Variants in RPH3A observed in about 807,000 individuals in gnomAD.
RPH3A encodes rabphilin 3A.
Under a neutral mutation model 102.2 loss-of-function variants are expected in RPH3A, and 48 were observed. The observed-to-expected ratio is 0.47, with a 90% CI of 0.37 to 0.60. The LOEUF (loss-of-function observed/expected upper bound fraction) is 0.60. RPH3A is among the 20% of genes least tolerant of loss of function. The probability of loss-of-function intolerance (pLI) is 0.00; values close to 1 mark genes in which losing one functional copy is unlikely to be tolerated. For synonymous variants in RPH3A, 310 were observed against 324.3 expected (o/e 0.96, Z 0.47); for missense variants, 781 against 910.1 (o/e 0.86, Z 1.83).
chr12:112,643,608 AG>A (rs1312331753), intron 1 of RPH3A, among the ~76,000 whole-genome samples: 1 of 152,234 alleles, frequency 6.6e-6, no homozygotes, highest in African/African-American at 2.4e-5. Flanking sequence ...CTATGATTCT[AG>A]GCTGTTTGCC....
intron 1 of RPH3A, among the ~76,000 whole-genome samples, chr12:112,756,606 CA>C (rs1267465522): frequency 6.6e-6 from 1 of 152,046 alleles, no homozygotes; most frequent in Non-Finnish European, 1.5e-5. Flanking sequence ...ATAATAAAAG[CA>C]AAAAACTCTA....
At chr12:112,606,686 G>T (rs1366818836) in intron 1 of RPH3A, among the ~76,000 whole-genome samples, 1 of 152,168 alleles carries the variant, frequency 6.6e-6, no homozygotes, top group Non-Finnish European at 1.5e-5. Context: ...GGAGGGCTCA[G>T]GAAACTTACA....
intron 1 of RPH3A, among the ~76,000 whole-genome samples, chr12:112,768,290 C>G (rs919256743): frequency 6.6e-6 from 1 of 152,190 alleles, no homozygotes; most frequent in African/African-American, 2.4e-5. Flanking sequence ...GTTCATGTCA[C>G]TCCTGCTCTC....
At chr12:112,612,382 G>C (rs1254299594) in intron 1 of RPH3A, among the ~76,000 whole-genome samples, 3 of 151,988 alleles carry the variant, frequency 2.0e-5, no homozygotes, top group African/African-American at 7.3e-5. Flanking sequence ...CGAGAAACAG[G>C]GTAGAAAACT....
chr12:112,829,563 C>T (rs1447274974), intron 3 of RPH3A, among the ~76,000 whole-genome samples: 1 of 152,174 alleles, frequency 6.6e-6, no homozygotes, highest in Admixed American at 6.5e-5. Context: ...TAAGCCACCA[C>T]CCCCAGCCTA....
At chr12:112,766,915 C>T (rs1479644845) in intron 1 of RPH3A, among the ~76,000 whole-genome samples, 1 of 152,146 alleles carries the variant, frequency 6.6e-6, no homozygotes, top group Non-Finnish European at 1.5e-5. Context: ...ACCTCTTTCC[C>T]AAACATGTGT....
intron 1 of RPH3A, among the ~76,000 whole-genome samples, chr12:112,779,444 A>G (rs2040991393): frequency 6.6e-6 from 1 of 152,198 alleles, no homozygotes; most frequent in Non-Finnish European, 1.5e-5. Context: ...CCTTCAGTCA[A>G]TTAAGCTTCC....
chr12:112,862,141 G>A (rs1287983920), intron 5 of RPH3A, among the ~76,000 whole-genome samples: 1 of 152,014 alleles, frequency 6.6e-6, no homozygotes, highest in African/African-American at 2.4e-5. Flanking sequence ...GCAACATAGT[G>A]AGACCCCATC....
At chr12:112,690,567 G>T (rs187048098) in intron 1 of RPH3A, among the ~76,000 whole-genome samples, 61 of 152,314 alleles carry the variant, frequency 4.0e-4, no homozygotes, top group African/African-American at 1.4e-3. Flanking sequence ...TGGGACAGGT[G>T]ACTGAAGAGA....
intron 10 of RPH3A, chr12:112,873,820 G>C (rs1463131347): frequency 6.6e-6 from 1 of 152,256 alleles, no homozygotes. Flanking sequence ...GGGTATTGTT[G>C]CATCATAAAC....
chr12:112,879,420 C>A (rs1263925168), intron 14 of RPH3A, among the ~76,000 whole-genome samples: 1 of 152,208 alleles, frequency 6.6e-6, no homozygotes, highest in Non-Finnish European at 1.5e-5. Context: ...CAACCACCTC[C>A]TGGGAGTACA....
At chr12:112,704,732 G>T (rs1480496480) in intron 1 of RPH3A, among the ~76,000 whole-genome samples, 3 of 152,126 alleles carry the variant, frequency 2.0e-5, no homozygotes, top group African/African-American at 7.2e-5. Flanking sequence ...GCTTTGTTTT[G>T]ACCAACATTT....
intron 4 of RPH3A, among the ~76,000 whole-genome samples, chr12:112,842,756 A>G (rs973614155): frequency 6.6e-6 from 1 of 152,252 alleles, no homozygotes; most frequent in African/African-American, 2.4e-5. Context: ...AAGTTAGGGC[A>G]TCCTGGTAGA....
chr12:112,673,785 T>C (rs2136011073), intron 1 of RPH3A, among the ~76,000 whole-genome samples: 1 of 152,296 alleles, frequency 6.6e-6, no homozygotes, highest in African/African-American at 2.4e-5. Context: ...TCATTCTTTC[T>C]ATTTTTTTTT....
chr12:112,783,751 C>T (rs1206889658), intron 1 of RPH3A, among the ~76,000 whole-genome samples: 1 of 152,198 alleles, frequency 6.6e-6, no homozygotes, highest in Admixed American at 6.5e-5. Context: ...CCCAAGCTCA[C>T]ACAACCAGTG....
chr12:112,586,189 G>A (rs1034683763), intron 1 of RPH3A, among the ~76,000 whole-genome samples: 3 of 152,202 alleles, frequency 2.0e-5, no homozygotes, highest in Non-Finnish European at 2.9e-5. Context: ...CTCCACGCTT[G>A]TATTAATAAA....
chr12:112,576,673 G>A (rs148541245), intron 1 of RPH3A, among the ~76,000 whole-genome samples: 7 of 152,100 alleles, frequency 4.6e-5, no homozygotes, highest in African/African-American at 1.4e-4. Flanking sequence ...TTATTTTCAC[G>A]CCCCTGAAGC....
intron 1 of RPH3A, among the ~76,000 whole-genome samples, chr12:112,601,756 A>G (rs1392723658): frequency 6.6e-6 from 1 of 152,002 alleles, no homozygotes; most frequent in African/African-American, 2.4e-5. Flanking sequence ...ACATGGCAAA[A>G]CCACGTCTCT....
At chr12:112,659,803 G>A (rs2040037154) in intron 1 of RPH3A, among the ~76,000 whole-genome samples, 1 of 152,132 alleles carries the variant, frequency 6.6e-6, no homozygotes, top group South Asian at 2.1e-4. Context: ...GCCAGTAGGA[G>A]CTCTTTCACG....
Sources: gnomAD v4.1 joint callset for allele counts (sites outside exome capture counted in the v4.1 genomes callset) on GRCh38, gnomAD v4.1.1 for gene constraint, MANE v1.5 for transcripts, NCBI Gene and HGNC (gene_info 2026-07-23, HGNC 2026-07-21) for gene names.